KCNH7: variants seen among roughly 807,000 people sequenced by gnomAD.
KCNH7 encodes the protein voltage-gated inwardly rectifying potassium channel KCNH7.
Under a neutral mutation model 120.8 loss-of-function variants are expected in KCNH7, and 49 were observed. The ratio of observed to expected loss-of-function variants is 0.41; its 90% CI spans 0.32 to 0.51. The LOEUF is 0.51. Among genes scored for constraint, KCNH7 ranks in the 20% least tolerant of loss-of-function variants. KCNH7 has a pLI of 0.38. For synonymous variants in KCNH7, 547 were observed against 516.1 expected (o/e 1.06, Z -0.81); for missense variants, 1,097 against 1,446.6 (o/e 0.76, Z 3.92).
At chr2:162,731,970 C>T (rs1293565309) in intron 2 of KCNH7, among the ~76,000 whole-genome samples, 1 of 152,092 alleles carries the variant, frequency 6.6e-6, no homozygotes, top group Non-Finnish European at 1.5e-5. Context: ...ATAAAGTTGG[C>T]AGAATTAAGG....
rs2105928127 is a variant in KCNH7 at position 162,588,079 on chromosome 2, C to A, written c.308-50999G>T. Among the ~76,000 whole-genome samples, 2 of 152,184 alleles carry A rather than the reference C, an allele frequency of 1.3e-5. 1 individual carries two copies. On this transcript the variant is annotated intron_variant, in intron 2 of 15. Transcript: ENST00000332142. ...CCTCCTTCCTCCCATCGCTCCTGCACTGAACTAGCTGTTGAAAGACCATGG... is the reference window on the plus strand; with the variant it reads ...CCTCCTTCCTCCCATCGCTCCTGCAATGAACTAGCTGTTGAAAGACCATGG...
intron 9 of KCNH7, among the ~76,000 whole-genome samples, chr2:162,411,115 G>A (rs1309087535): frequency 6.6e-6 from 1 of 151,956 alleles, no homozygotes; most frequent in Non-Finnish European, 1.5e-5. Context: ...AATACTCAAA[G>A]GAAATTAAAT....
intron 2 of KCNH7, among the ~76,000 whole-genome samples, chr2:162,744,243 C>A (rs571481815): frequency 6.1e-4 from 93 of 152,262 alleles, no homozygotes; most frequent in Middle Eastern, 3.4e-3. Context: ...TTGTTAAATG[C>A]AATATAAATT....
chr2:162,699,051 T>C (rs1380308600), intron 2 of KCNH7, among the ~76,000 whole-genome samples: 1 of 152,158 alleles, frequency 6.6e-6, no homozygotes, highest in Non-Finnish European at 1.5e-5. Flanking sequence ...ACATATGCAT[T>C]ACCTCACATG....
At chr2:162,694,099 C>T (rs1052467343) in intron 2 of KCNH7, among the ~76,000 whole-genome samples, 1 of 152,082 alleles carries the variant, frequency 6.6e-6, no homozygotes, top group South Asian at 2.1e-4. Context: ...TATGTATTCT[C>T]ATTCTGAAAA....
At chr2:162,752,974 A>AAAAGAAAAGAAAAGAAAAGAAAAGAAAAG (rs1688641349) in intron 2 of KCNH7, among the ~76,000 whole-genome samples, 2 of 119,238 alleles carry the variant, frequency 1.7e-5, no homozygotes, top group African/African-American at 9.7e-5. Context: ...AAAAGAAAAG[A>AAAAGAAAAGAAAAGAAAAGAAAAGAAAAG]AAAGAAAAGA....
intron 6 of KCNH7, among the ~76,000 whole-genome samples, chr2:162,458,458 C>T (rs546107413): frequency 1.1e-3 from 170 of 152,206 alleles, no homozygotes; most frequent in Non-Finnish European, 2.0e-3. Flanking sequence ...TGAGGGACTT[C>T]TGGCCCCACC....
At chr2:162,409,554 G>A (rs917747037) in intron 9 of KCNH7, among the ~76,000 whole-genome samples, 2 of 151,756 alleles carry the variant, frequency 1.3e-5, no homozygotes, top group African/African-American at 4.8e-5. Flanking sequence ...TATCAACAAT[G>A]TATCAAAAAA....
At chr2:162,785,890 AAT>A (rs1352790778) in intron 2 of KCNH7, among the ~76,000 whole-genome samples, 1 of 152,122 alleles carries the variant, frequency 6.6e-6, no homozygotes, top group Non-Finnish European at 1.5e-5. Context: ...TTAGACAATT[AAT>A]TTTTCAAATT....
chr2:162,635,320 G>A (rs1683916266), intron 2 of KCNH7, among the ~76,000 whole-genome samples: 2 of 152,152 alleles, frequency 1.3e-5, no homozygotes, highest in South Asian at 2.1e-4. Context: ...AAATGAAGTT[G>A]CCATTCTTGG....
rs561829691 is a variant in KCNH7, at chr2:162,585,091, G to C, written c.308-48011C>G. Among the ~76,000 whole-genome samples, 17 of 151,908 alleles carry C rather than the reference G, an allele frequency of 1.1e-4. No individual in the cohort carries two copies. The South Asian group carries it at 3.5e-3, about 31-fold the overall frequency. ...AGAATAGGCTCCTGCAGCCGGCCTGGGTTCCGAGTTCCCAGATGATGTGGA... is the reference window on the plus strand; with the variant it reads ...AGAATAGGCTCCTGCAGCCGGCCTGCGTTCCGAGTTCCCAGATGATGTGGA... On this transcript the variant is annotated intron_variant, in intron 2 of 15. Transcript: ENST00000332142.
chr2:162,634,130 C>T (rs568551328), intron 2 of KCNH7, among the ~76,000 whole-genome samples: 58 of 152,022 alleles, frequency 3.8e-4, no homozygotes, highest in Non-Finnish European at 7.8e-4. Context: ...AGCTGTTACT[C>T]ATCGCTGTGT....
chr2:162,812,939 A>G lies in KCNH7; in HGVS notation c.307+23598T>C, dbSNP rs79716537. 6.6e-4 allele frequency among the ~76,000 whole-genome samples: 100 copies of G among 152,222 alleles called. No individual in the cohort carries two copies. The East Asian group carries it at 0.015, about 22-fold the overall frequency. ...TCACTGGGATGGCTAGAACTCAAAG[A>G]TTCCTGGAACTTGAGGATGAAGAAT... On this transcript the variant is annotated intron_variant, in intron 2 of 15. Transcript: ENST00000332142.
At chr2:162,679,026 T>G (rs1174064982) in intron 2 of KCNH7, among the ~76,000 whole-genome samples, 1 of 151,656 alleles carries the variant, frequency 6.6e-6, no homozygotes, top group Non-Finnish European at 1.5e-5. Flanking sequence ...AGAAATGTAC[T>G]TTAATGCTGA....
At chr2:162,590,170 C>G (rs1193935000) in intron 2 of KCNH7, among the ~76,000 whole-genome samples, 1 of 151,922 alleles carries the variant, frequency 6.6e-6, no homozygotes, top group Admixed American at 6.6e-5. Flanking sequence ...GTTTTTAGAG[C>G]CTTTTATGTA....
At chr2:162,505,487 T>G (rs1690841526) in intron 5 of KCNH7, among the ~76,000 whole-genome samples, 1 of 152,018 alleles carries the variant, frequency 6.6e-6, no homozygotes, top group Non-Finnish European at 1.5e-5. Context: ...CTCAAAATCT[T>G]TCCTACAAAG....
At chr2:162,411,484 G>C (rs564642683) in intron 9 of KCNH7, among the ~76,000 whole-genome samples, 1 of 151,994 alleles carries the variant, frequency 6.6e-6, no homozygotes, top group African/African-American at 2.4e-5. Flanking sequence ...AGGAAGAGTG[G>C]TAAGAAAGGG....
chr2:162,559,505 A>G (rs781387474), intron 2 of KCNH7, among the ~76,000 whole-genome samples: 16 of 152,210 alleles, frequency 1.1e-4, no homozygotes, highest in Non-Finnish European at 1.9e-4. Flanking sequence ...TTATTTTAGA[A>G]AGCTTAAAAG....
At chr2:162,761,308 C>A (rs190412909) in intron 2 of KCNH7, among the ~76,000 whole-genome samples, 2 of 152,142 alleles carry the variant, frequency 1.3e-5, no homozygotes, top group East Asian at 3.9e-4. Flanking sequence ...ACATTTCCAC[C>A]TTTTCCTCTG....
Sources: gnomAD v4.1 joint callset for allele counts (sites outside exome capture counted in the v4.1 genomes callset) on GRCh38, gnomAD v4.1.1 for gene constraint, MANE v1.5 for transcripts, NCBI Gene and HGNC (gene_info 2026-07-23, HGNC 2026-07-21) for gene names.